BTBD2: variants seen among roughly 807,000 people sequenced by gnomAD.
The protein encoded by BTBD2 is BTB/POZ domain-containing protein 2.
Under a neutral mutation model 44.0 loss-of-function variants are expected in BTBD2, and 15 were observed. That is an observed-to-expected ratio of 0.34 (90% CI 0.23 to 0.53). The LOEUF (loss-of-function observed/expected upper bound fraction) is 0.53, where lower values mean the gene tolerates loss of function less well. Among genes scored for constraint, BTBD2 ranks in the 20% least tolerant of loss-of-function variants. The pLI, the probability that BTBD2 is intolerant of heterozygous loss-of-function variation, is 0.95. For synonymous variants in BTBD2, 443 were observed against 335.9 expected, an observed-to-expected ratio of 1.32 and a Z score of -3.49; for missense variants, 657 against 746.4, an observed-to-expected ratio of 0.88 and a Z score of 1.39.
rs746791900 is a variant in BTBD2 at position 1,993,101 on chromosome 19, C to A, written c.603G>T (p.Ala201=). Residue 201 remains alanine, a synonymous_variant, in exon 3 of 9, where the codon GCG becomes GCT. Coordinates refer to ENST00000255608, the MANE Select transcript of BTBD2 (RefSeq NM_017797.4). ...CGCAATGGGCCTCGAGCGCTGGCAC[C>A]GCGTACTTCTTGGCGGTGTATAGCG... is the stretch of plus-strand genomic sequence containing the variant. The part of the protein sequence containing the change: ...MTTLYTAKKY[A]VPALEAHCVE... The A allele has an allele frequency of 6.2e-7, 1 of 1,609,144 alleles. No individual in the cohort carries two copies. Among genetic ancestry groups the A allele is most frequent in the East Asian group, 2.2e-5 (1 of 44,860 alleles).
chr19:1,996,824 A>G (rs2016257612), intron 2 of BTBD2, among the ~76,000 whole-genome samples: 1 of 152,070 alleles, frequency 6.6e-6, no homozygotes, highest in South Asian at 2.1e-4. Context: ...ATGAGCTGAG[A>G]TCACACCACT....
chr19:1,993,286 G>T (rs987640764), intron 2 of BTBD2, 110 bp from the exon 3 acceptor site: 2 of 1,417,530 alleles, frequency 1.4e-6, no homozygotes, highest in Middle Eastern at 1.8e-4. Flanking sequence ...CCCTTGAGCT[G>T]GCAGGACCCA....
At chr19:2,012,139 C>T (rs563920221) in intron 1 of BTBD2, among the ~76,000 whole-genome samples, 1 of 149,904 alleles carries the variant, frequency 6.7e-6, no homozygotes, top group South Asian at 2.1e-4. Flanking sequence ...CAGGCGTGAG[C>T]CACCGCGCCC....
chr19:2,011,335 A>T (rs1171003301), intron 1 of BTBD2, among the ~76,000 whole-genome samples: 1 of 149,854 alleles, frequency 6.7e-6, no homozygotes, highest in South Asian at 2.1e-4. Flanking sequence ...TCCTGCCTGG[A>T]GTCTGCAGCT....
chr19:2,006,213 C>T (rs1477466094), intron 1 of BTBD2, among the ~76,000 whole-genome samples: 1 of 152,132 alleles, frequency 6.6e-6, no homozygotes, highest in East Asian at 1.9e-4. Context: ...TCCTCGGTCA[C>T]ACTGTCCACA....
At chr19:2,004,918 C>T (rs1240365432) in intron 1 of BTBD2, among the ~76,000 whole-genome samples, 1 of 151,744 alleles carries the variant, frequency 6.6e-6, no homozygotes, top group Non-Finnish European at 1.5e-5. Flanking sequence ...CTCCCAAGTT[C>T]AAGCGATTCT....
chr19:1,998,264 G>A (rs1307915043), intron 1 of BTBD2, among the ~76,000 whole-genome samples: 13 of 152,238 alleles, frequency 8.5e-5, no homozygotes, highest in Admixed American at 8.5e-4. Context: ...GCCTCACTGA[G>A]GGAGACAGAC....
At chr19:1,987,334 C>T (rs1269589784) in intron 6 of BTBD2, 81 bp from the exon 7 acceptor site, 11 of 1,526,550 alleles carry the variant, frequency 7.2e-6, no homozygotes, top group South Asian at 3.5e-5. Flanking sequence ...CCCCCATGCC[C>T]GGTCCCCTCC....
At chr19:1,992,908 C>A in intron 3 of BTBD2, 112 bp downstream of exon 3, 1 of 1,064,090 alleles carries the variant, frequency 9.4e-7, no homozygotes, top group Non-Finnish European at 1.2e-6. Context: ...AGCCTGCTGC[C>A]TCCCGGGCCC....
intron 1 of BTBD2, among the ~76,000 whole-genome samples, chr19:2,009,020 CTTT>C (rs34436568): frequency 7.0e-6 from 1 of 143,222 alleles, no homozygotes; most frequent in Non-Finnish European, 1.5e-5. Flanking sequence ...ACACACTGTT[CTTT>C]TTTTTTTTTT....
intron 3 of BTBD2, chr19:1,991,952 T>G (rs2016185798): frequency 6.7e-6 from 1 of 150,308 alleles, no homozygotes; most frequent in Non-Finnish European, 1.5e-5. Flanking sequence ...GGCGCGGTGG[T>G]GGGGGCCTGT....
At chr19:1,997,557 G>C (rs1365735315) in intron 1 of BTBD2, 94 bp from the exon 2 acceptor site, 2 of 1,549,196 alleles carry the variant, frequency 1.3e-6, no homozygotes. Context: ...CACCCCACTA[G>C]GGCTCCCTGC....
intron 1 of BTBD2, among the ~76,000 whole-genome samples, chr19:2,001,574 A>G (rs1478493510): frequency 6.6e-6 from 1 of 152,216 alleles, no homozygotes; most frequent in East Asian, 1.9e-4. Flanking sequence ...TAATCTACGC[A>G]ATGCAACGTC....
intron 2 of BTBD2, among the ~76,000 whole-genome samples, chr19:1,995,258 C>T (rs1043249099): frequency 4.1e-5 from 6 of 146,552 alleles, no homozygotes; most frequent in South Asian, 2.2e-4. Context: ...TGAGCCACCG[C>T]GCCTAGCCAT....
intron 8 of BTBD2, 72 bp from the exon 9 acceptor site, chr19:1,986,721 GC>G: frequency 1.3e-6 from 2 of 1,587,266 alleles, no homozygotes; most frequent in Non-Finnish European, 1.7e-6. Context: ...ACAGGGCAAG[GC>G]CCCGACTGGG....
intron 7 of BTBD2, 84 bp from the exon 8 acceptor site, chr19:1,987,060 G>A (rs1344904848): frequency 6.3e-6 from 10 of 1,589,644 alleles, no homozygotes; most frequent in Admixed American, 3.4e-5. Context: ...TGCCCAGGGT[G>A]GGGGCAGCAC....
At position 1,986,473 on chromosome 19, in the gene BTBD2, T is replaced by A; in HGVS notation, c.*15A>T. ...CTATCCCCACGGAGGGAGGGCGGTG[T>A]CGGTGTCGGGCAGCCTAGGTGTAGA... is the stretch of plus-strand genomic sequence containing the variant. On this transcript the variant is annotated 3_prime_UTR_variant, in exon 9 of 9. Transcript: ENST00000255608. 1 of 1,609,272 alleles carries A rather than the reference T, an allele frequency of 6.2e-7. No homozygotes were observed. Among genetic ancestry groups the A allele is most frequent in the Non-Finnish European group, 8.5e-7 (1 of 1,176,958 alleles).
intron 1 of BTBD2, among the ~76,000 whole-genome samples, chr19:2,005,563 C>G (rs1201810347): frequency 6.6e-6 from 1 of 152,006 alleles, no homozygotes; most frequent in African/African-American, 2.4e-5. Context: ...GGGTGGATCA[C>G]CTGAGGTCAG....
At chr19:1,998,416 C>G (rs1446271345) in intron 1 of BTBD2, among the ~76,000 whole-genome samples, 1 of 152,246 alleles carries the variant, frequency 6.6e-6, no homozygotes, top group African/African-American at 2.4e-5. Context: ...GGCCCAGGAA[C>G]AGCAGGAGCG....
Sources: gnomAD v4.1 joint callset for allele counts (sites outside exome capture counted in the v4.1 genomes callset) on GRCh38, gnomAD v4.1.1 for gene constraint, MANE v1.5 for transcripts, NCBI Gene and HGNC (gene_info 2026-07-23, HGNC 2026-07-21) for gene names.